XKR9: variants seen among roughly 807,000 people sequenced by gnomAD.
The protein encoded by XKR9 is XK related 9.
Under a neutral mutation model 32.0 loss-of-function variants are expected in XKR9, and 32 were observed. The ratio of observed to expected loss-of-function variants is 1.00; its 90% CI spans 0.76 to 1.34. The LOEUF is 1.34. Ranked by LOEUF, XKR9 falls within the 40% of genes most tolerant of loss-of-function variation. The pLI, the probability that XKR9 is intolerant of heterozygous loss-of-function variation, is 0.00. For missense variants in XKR9, 546 were observed against 429.7 expected (o/e 1.27, Z -2.39); for synonymous variants, 168 against 143.4 (o/e 1.17, Z -1.22).
At chr8:70,982,860 A>G in the XKR9 span, among the ~76,000 whole-genome samples, 6 of 152,152 alleles carry the variant, frequency 3.9e-5, no homozygotes, top group African/African-American at 7.2e-5. Flanking sequence ...TATTTTAATT[A>G]GTTTTGAGAA....
chr8:70,697,087 A>G (rs1363140212), intron 3 of XKR9, among the ~76,000 whole-genome samples: 1 of 151,202 alleles, frequency 6.6e-6, no homozygotes, highest in African/African-American at 2.4e-5. Flanking sequence ...TTTTGGGCTG[A>G]GACAATGGGG....
the XKR9 span, among the ~76,000 whole-genome samples, chr8:71,024,946 C>G: frequency 2.3e-4 from 35 of 152,318 alleles, no homozygotes; most frequent in African/African-American, 7.7e-4. Context: ...CTCTATTCAG[C>G]CTTCTTGAAG....
the XKR9 span, among the ~76,000 whole-genome samples, chr8:70,854,478 T>C: frequency 6.6e-6 from 1 of 152,240 alleles, no homozygotes; most frequent in African/African-American, 2.4e-5. Context: ...AGGTTGCCTG[T>C]TCACTCTGAT....
chr8:71,052,566 G>A, the XKR9 span, among the ~76,000 whole-genome samples: 625 of 152,254 alleles, frequency 4.1e-3, 6 homozygotes, highest in African/African-American at 0.013. Flanking sequence ...TGATTCTGCC[G>A]CCCACTCAGC....
chr8:70,853,825 G>A, the XKR9 span, among the ~76,000 whole-genome samples: 1 of 152,134 alleles, frequency 6.6e-6, no homozygotes, highest in East Asian at 1.9e-4. Flanking sequence ...ATGGTTTCCA[G>A]CTTCATCCAT....
chr8:70,839,387 A>G, the XKR9 span, among the ~76,000 whole-genome samples: 1 of 152,158 alleles, frequency 6.6e-6, no homozygotes, highest in Non-Finnish European at 1.5e-5. Flanking sequence ...TGAAAAATAC[A>G]TTCTCCAAGG....
At chr8:70,819,433 CTG>C in the XKR9 span, among the ~76,000 whole-genome samples, 1 of 152,196 alleles carries the variant, frequency 6.6e-6, no homozygotes, top group Non-Finnish European at 1.5e-5. Flanking sequence ...AGGGATGAGA[CTG>C]TGTTTCCACC....
At chr8:70,741,898 A>G (rs1806990974) in intron 2 of XKR9, among the ~76,000 whole-genome samples, 2 of 151,830 alleles carry the variant, frequency 1.3e-5, no homozygotes, top group African/African-American at 4.8e-5. Flanking sequence ...GCACTATTTT[A>G]CAATCCCACC....
At chr8:70,820,383 G>A in the XKR9 span, among the ~76,000 whole-genome samples, 1 of 152,160 alleles carries the variant, frequency 6.6e-6, no homozygotes, top group South Asian at 2.1e-4. Context: ...CCTGCAAACT[G>A]TACAAGAAAC....
At chr8:70,955,546 G>T in the XKR9 span, among the ~76,000 whole-genome samples, 4,329 of 152,250 alleles carry the variant, frequency 0.028, 183 homozygotes, top group African/African-American at 0.1. Flanking sequence ...TAATATATAG[G>T]ATAACACATA....
the XKR9 span, among the ~76,000 whole-genome samples, chr8:70,859,016 A>G: frequency 1.3e-5 from 2 of 152,148 alleles, no homozygotes; most frequent in Non-Finnish European, 2.9e-5. Context: ...GGATGACATC[A>G]AGCTAAGAAG....
chr8:70,954,768 A>G, the XKR9 span, among the ~76,000 whole-genome samples: 4 of 152,174 alleles, frequency 2.6e-5, no homozygotes, highest in Non-Finnish European at 2.9e-5. Context: ...CTTCTTGTAC[A>G]CAAATCCTCA....
At chr8:70,672,007 T>C (rs1165317837) in intron 1 of XKR9, among the ~76,000 whole-genome samples, 1 of 56,752 alleles carries the variant, frequency 1.8e-5, no homozygotes, top group Non-Finnish European at 4.9e-5. Context: ...GAATCCAACT[T>C]ACAAGGGATG....
At chr8:70,678,813 C>T (rs184980683) in intron 2 of XKR9, among the ~76,000 whole-genome samples, 3 of 152,264 alleles carry the variant, frequency 2.0e-5, no homozygotes, top group East Asian at 1.9e-4. Context: ...TAGCAAAATA[C>T]TTATAAGTGA....
At chr8:70,873,973 C>T in the XKR9 span, among the ~76,000 whole-genome samples, 1 of 152,222 alleles carries the variant, frequency 6.6e-6, no homozygotes, top group African/African-American at 2.4e-5. Context: ...GATGAGTCAG[C>T]AGCCACCAAC....
the XKR9 span, among the ~76,000 whole-genome samples, chr8:70,873,044 G>A: frequency 6.6e-6 from 1 of 152,138 alleles, no homozygotes; most frequent in African/African-American, 2.4e-5. Flanking sequence ...AATTGACTCT[G>A]CCTGTGCTCT....
At chr8:70,692,415 T>C (rs1436397415) in intron 3 of XKR9, among the ~76,000 whole-genome samples, 2 of 151,026 alleles carry the variant, frequency 1.3e-5, no homozygotes, top group Non-Finnish European at 3.0e-5. Context: ...TGTTTTTTTT[T>C]CTCTTGACTC....
At chr8:70,802,812 C>T in the XKR9 span, among the ~76,000 whole-genome samples, 1 of 152,252 alleles carries the variant, frequency 6.6e-6, no homozygotes, top group Non-Finnish European at 1.5e-5. Flanking sequence ...AGGGTTTCTG[C>T]TAAAGCTCTG....
the XKR9 span, among the ~76,000 whole-genome samples, chr8:70,797,729 G>C: frequency 1.3e-5 from 2 of 151,918 alleles, no homozygotes; most frequent in East Asian, 3.9e-4. Context: ...ATGAGGCCCT[G>C]GTGTCTGTTG....
Sources: gnomAD v4.1 joint callset for allele counts (sites outside exome capture counted in the v4.1 genomes callset) on GRCh38, gnomAD v4.1.1 for gene constraint, MANE v1.5 for transcripts, NCBI Gene and HGNC (gene_info 2026-07-23, HGNC 2026-07-21) for gene names.